The following TRIM37 variants were observed in gnomAD, a reference collection of about 807,000 sequenced individuals.
TRIM37 encodes tripartite motif containing 37.
Under a neutral mutation model 129.8 loss-of-function variants are expected in TRIM37, and 80 were observed. The ratio of observed to expected loss-of-function variants is 0.62; its 90% confidence interval spans 0.51 to 0.74. TRIM37 has a LOEUF of 0.74. Ranked by LOEUF, TRIM37 falls within the 30% of genes least tolerant of loss-of-function variation. The pLI is 0.00. For missense variants in TRIM37, 1,054 were observed against 1,176.5 expected, an observed-to-expected ratio of 0.90 and a Z score of 1.52; for synonymous variants, 389 against 387.1, an observed-to-expected ratio of 1.00 and a Z score of -0.06.
At chr17:58,969,428 A>G in the TRIM37 span, 2 of 1,022,372 alleles carry the variant, frequency 2.0e-6, no homozygotes, top group Admixed American at 3.7e-5. Flanking sequence ...ATTATTCTGA[A>G]TGACAAATGC....
At chr17:59,070,752 T>C (rs1378720299) in intron 9 of TRIM37, 71 bp downstream of exon 9, 14 of 1,471,204 alleles carry the variant, frequency 9.5e-6, no homozygotes, top group South Asian at 6.0e-5. Flanking sequence ...AAAAAAAACA[T>C]TCTTTTGAAA....
Position 59,013,655 on chromosome 17 carries a change from C to T in TRIM37, c.2577-1209G>A, listed in dbSNP as rs374840728. The stretch of plus-strand genomic sequence containing the variant: ...TTTTTCACTTATTCTTTTCTCCTTT[C>T]ATTTTGAAACACTTATCATTAGTAT... On this transcript the variant is annotated intron_variant, in intron 21 of 23. Transcript: ENST00000262294. Among the ~76,000 whole-genome samples, 40 of 152,156 alleles carry T rather than the reference C, an allele frequency of 2.6e-4. 1 individual carries two copies. In the East Asian group the frequency reaches 6.2e-3, roughly 23 times the overall value.
intron 2 of TRIM37, among the ~76,000 whole-genome samples, chr17:59,101,247 C>T (rs560457265): frequency 2.6e-5 from 4 of 152,142 alleles, no homozygotes; most frequent in South Asian, 4.1e-4. Flanking sequence ...GAACACAAGG[C>T]TAACATTCTT....
chr17:59,012,591 C>G, intron 21 of TRIM37, 145 bp from the exon 22 acceptor site: 1 of 660,516 alleles, frequency 1.5e-6, no homozygotes, highest in Non-Finnish European at 2.7e-6. Flanking sequence ...AAATATTTCA[C>G]TAAGGTCCTG....
chr17:59,012,227 GCACCAC>G, intron 22 of TRIM37, 95 bp downstream of exon 22: 11 of 610,728 alleles, frequency 1.8e-5, no homozygotes, highest in Non-Finnish European at 2.1e-5. Context: ...AGCAGCAGCA[GCACCAC>G]CACCACCACC....
rs374221365 is a variant in TRIM37, at chr17:59,049,375, A to G, written c.1333T>C (p.Ser445Pro). 1 of 1,614,028 alleles carries G rather than the reference A, an allele frequency of 6.2e-7. No individual in the cohort carries two copies. Among genetic ancestry groups the G allele is most frequent in the African/African-American group, 1.3e-5 (1 of 74,932 alleles). The stretch of plus-strand genomic sequence containing the variant: ...AAATCTCTTGACTTCTGAGTTCGAG[A>G]CAGCTCAATAGTAAGTCTCTTTTAA... Reference protein sequence around the residue: ...NLKERLTIELSRTQKSRDLSP... With the variant: ...NLKERLTIELPRTQKSRDLSP... Residue 445 changes from serine (S) to proline (P), a missense_variant, in exon 15 of 24, where the codon TCT becomes CCT. Physicochemically the swap from Ser to Pro is moderately conservative, Grantham distance 74. Transcript: ENST00000262294.
rs917958276 is a variant in TRIM37 at position 59,106,469 on chromosome 17, G to A, written c.-8C>T. The A allele has an allele frequency of 6.2e-7, 1 of 1,613,924 alleles. No individual in the cohort carries two copies. The highest frequency in any genetic ancestry group is 1.3e-5 in the African/African-American group (1 of 75,050). ...CACGCTCTGTTCATCCATTGCCTCCGGCTCTCGGCGGGGCCGCTGGCGACC... is the reference window on the plus strand; with the variant it reads ...CACGCTCTGTTCATCCATTGCCTCCAGCTCTCGGCGGGGCCGCTGGCGACC... On this transcript the variant is annotated 5_prime_UTR_variant, in exon 1 of 24. Transcript: ENST00000262294.
intron 21 of TRIM37, 112 bp downstream of exon 21, chr17:59,015,498 A>C: frequency 9.1e-7 from 1 of 1,098,290 alleles, no homozygotes; most frequent in Non-Finnish European, 1.4e-6. Flanking sequence ...TTTTCTGTCC[A>C]CTAAAAAATT....
chr17:59,028,625 C>T lies in TRIM37; in HGVS notation c.2047G>A (p.Ala683Thr), dbSNP rs571145764. The part of the protein sequence containing the change: ...KMLKRLKTQM[A>T]EVRCMKTDVK... Reference sequence around the variant, plus strand: ...TCAGTTTTCATACATCGAACTTCGGCCATTTGAGTTTTGAGTCTTTTTAGC... The same window carrying T: ...TCAGTTTTCATACATCGAACTTCGGTCATTTGAGTTTTGAGTCTTTTTAGC... Residue 683 changes from alanine to threonine, a missense_variant, in exon 19 of 24, where the codon GCC becomes ACC. Transcript: ENST00000262294. 6.1e-5 allele frequency: 99 copies of T among 1,614,188 alleles called. No homozygotes were observed. The Middle Eastern group carries it at 1.2e-3, about 19-fold the overall frequency.
Position 58,999,213 on chromosome 17 carries a change from C to A in TRIM37, c.*164G>T, listed in dbSNP as rs2033352490. On this transcript the variant is annotated 3_prime_UTR_variant, in exon 24 of 24. Transcript: ENST00000262294. Reference sequence around the variant, plus strand: ...TCCCATGTACTACTGCTGTCTTAGACTAAACTGTGCCACCTTCCAACAGTT... The same window carrying A: ...TCCCATGTACTACTGCTGTCTTAGAATAAACTGTGCCACCTTCCAACAGTT... 2 of 1,519,228 alleles carry A rather than the reference C, an allele frequency of 1.3e-6. No homozygotes were observed. Among genetic ancestry groups the A allele is most frequent in the East Asian group, 4.8e-5 (2 of 41,298 alleles). 94.1% of individuals were successfully genotyped at this position (1,519,228 alleles called of 1,614,324 possible). A position where few individuals can be genotyped will look rare whatever the true frequency, so the allele number is the denominator to read the frequency against.
chr17:59,083,082 G>A (rs2043440741), intron 5 of TRIM37, among the ~76,000 whole-genome samples: 1 of 152,118 alleles, frequency 6.6e-6, no homozygotes, highest in Non-Finnish European at 1.5e-5. Flanking sequence ...AGAATCTATT[G>A]TGTTTATTCT....
In TRIM37 at chr17:59,056,982, T is replaced by A; in HGVS notation, c.1092A>T (p.Ala364=). 1 of 1,613,884 alleles carries A rather than the reference T, an allele frequency of 6.2e-7. No individual in the cohort carries two copies. The highest frequency in any genetic ancestry group is 1.1e-5 in the South Asian group (1 of 91,080). ...DPTKNIIREF[A]SDFEVGECWG... ...AGCATTCTCCAACTTCAAAGTCAGA[T>A]GCAAATTCTCGAATGATATTTTTTG... Residue 364 remains alanine, a synonymous_variant, in exon 13 of 24, where the codon GCA becomes GCT. Coordinates refer to ENST00000262294, the MANE Select transcript of TRIM37 (RefSeq NM_015294.6).
chr17:59,043,063 T>C (rs73319210), intron 16 of TRIM37, among the ~76,000 whole-genome samples: 3,614 of 152,198 alleles, frequency 0.024, 140 homozygotes, highest in African/African-American at 0.083. Flanking sequence ...TTACTGTATA[T>C]GACTAAATAC....
rs550696270 is a variant in TRIM37 at position 58,998,517 on chromosome 17, G to A, written c.*860C>T. 10 of 985,292 alleles carry A rather than the reference G, an allele frequency of 1.0e-5. No homozygotes were observed. In the South Asian group the frequency reaches 1.4e-4, roughly 14 times the overall value. 61.0% of individuals were successfully genotyped at this position (985,292 alleles called of 1,614,324 possible). On this transcript the variant is annotated 3_prime_UTR_variant, in exon 24 of 24. Coordinates refer to ENST00000262294, the MANE Select transcript of TRIM37 (RefSeq NM_015294.6). ...AGAAAACCTTATATCACAGTTTCACGTTCATGTAAGCCACTGTGCAACATG... is the reference window on the plus strand; with the variant it reads ...AGAAAACCTTATATCACAGTTTCACATTCATGTAAGCCACTGTGCAACATG...
intron 8 of TRIM37, 72 bp from the exon 9 acceptor site, chr17:59,071,019 T>TA: frequency 3.9e-6 from 6 of 1,555,714 alleles, no homozygotes; most frequent in Non-Finnish European, 5.3e-6. Context: ...CTTAAGAAAT[T>TA]ACAAATTATT....
At chr17:58,985,673 C>T (rs2031737446) in intron 24 of TRIM37, among the ~76,000 whole-genome samples, 1 of 152,110 alleles carries the variant, frequency 6.6e-6, no homozygotes, top group South Asian at 2.1e-4. Context: ...AAGTCACTTA[C>T]GACACCTGCA....
At chr17:59,046,873 G>A (rs1451474472) in intron 16 of TRIM37, among the ~76,000 whole-genome samples, 1 of 150,516 alleles carries the variant, frequency 6.6e-6, no homozygotes, top group Admixed American at 6.6e-5. Flanking sequence ...AACCCAGATT[G>A]GCCAGGTGCG....
chr17:59,016,256 TG>T (rs1206700206), intron 20 of TRIM37, among the ~76,000 whole-genome samples: 2 of 151,170 alleles, frequency 1.3e-5, no homozygotes, highest in African/African-American at 2.4e-5. Context: ...TAGCCAGGCG[TG>T]GTGGCGTGCA....
At chr17:58,981,888 TACACTATA>T (rs2031374520), downstream of TRIM37, 2 of 152,666 alleles carry the variant, frequency 1.3e-5, no homozygotes, top group East Asian at 3.8e-4. Flanking sequence ...CAGGTACAAA[TACACTATA>T]GAGTCAAAAT....
Sources: allele counts gnomAD v4.1 joint callset (sites outside exome capture counted in the v4.1 genomes callset), GRCh38; gene constraint gnomAD v4.1.1; transcripts MANE v1.5; gene names NCBI Gene and HGNC (gene_info 2026-07-23, HGNC 2026-07-21).